ADAM19: variants seen among roughly 807,000 people sequenced by gnomAD.
The protein encoded by ADAM19 is disintegrin and metalloproteinase domain-containing protein 19.
A neutral mutation model predicts 114.7 loss-of-function variants in ADAM19; 65 were observed. The ratio of observed to expected loss-of-function variants is 0.57; its 90% CI spans 0.46 to 0.70. The LOEUF is 0.70. Among genes scored for constraint, ADAM19 ranks in the 30% least tolerant of loss-of-function variants. The pLI, the probability that ADAM19 is intolerant of heterozygous loss-of-function variation, is 0.00. For missense variants in ADAM19, 1,063 were observed against 1,204.7 expected, an observed-to-expected ratio of 0.88 and a Z score of 1.74; for synonymous variants, 466 against 460.5, an observed-to-expected ratio of 1.01 and a Z score of -0.15.
At chr5:157,483,048 T>C (rs1754807700) in intron 21 of ADAM19, among the ~76,000 whole-genome samples, 1 of 150,642 alleles carries the variant, frequency 6.6e-6, no homozygotes, top group Admixed American at 6.6e-5. Flanking sequence ...CATTACATAC[T>C]GGGGCCTGTT....
chr5:157,548,006 C>G (rs946575266), intron 3 of ADAM19, among the ~76,000 whole-genome samples: 88 of 152,314 alleles, frequency 5.8e-4, no homozygotes, highest in African/African-American at 2.1e-3. Flanking sequence ...TTTCCTTCCT[C>G]CTGCTCTCTG....
intron 12 of ADAM19, among the ~76,000 whole-genome samples, chr5:157,499,951 G>A (rs1202256414): frequency 6.7e-6 from 1 of 149,604 alleles, no homozygotes; most frequent in Non-Finnish European, 1.5e-5. Flanking sequence ...GCTAATTTTT[G>A]TATTTTTAAT....
At chr5:157,534,468 AAAAC>A (rs937051074) in intron 4 of ADAM19, among the ~76,000 whole-genome samples, 14 of 152,268 alleles carry the variant, frequency 9.2e-5, no homozygotes, top group South Asian at 2.1e-4. Flanking sequence ...ACTGTGTCTC[AAAAC>A]AAACAAACAA....
intron 2 of ADAM19, among the ~76,000 whole-genome samples, chr5:157,569,745 T>C (rs1486907932): frequency 6.6e-6 from 1 of 152,202 alleles, no homozygotes; most frequent in East Asian, 1.9e-4. Context: ...GCTATAATCT[T>C]GCTCCTATAT....
At chr5:157,541,792 C>T (rs2113768021) in intron 3 of ADAM19, among the ~76,000 whole-genome samples, 1 of 152,314 alleles carries the variant, frequency 6.6e-6, no homozygotes, top group South Asian at 2.1e-4. Flanking sequence ...TAGGCTAAAC[C>T]ACCCTCTAGA....
At chr5:157,549,721 A>G (rs1013788712) in intron 3 of ADAM19, among the ~76,000 whole-genome samples, 1 of 152,232 alleles carries the variant, frequency 6.6e-6, no homozygotes, top group Admixed American at 6.5e-5. Context: ...AAACTGCCAG[A>G]AGGTAAGAAT....
Position 157,494,687 on chromosome 5 carries a change from C to T in ADAM19, c.1703G>A (p.Arg568Lys). The T allele has an allele frequency of 6.2e-7, 1 of 1,612,734 alleles. No individual in the cohort carries two copies. The highest frequency in any genetic ancestry group is 8.5e-7 in the Non-Finnish European group (1 of 1,178,978). Residue 568 changes from arginine to lysine, a missense_variant and splice_region_variant, in exon 15 of 23, where the codon AGA becomes AAA. Arg to Lys is a conservative substitution (Grantham distance 26). Coordinates refer to ENST00000257527, the MANE Select transcript of ADAM19 (RefSeq NM_033274.5). ...ATGAGGCCTGCCCTTTGGTCATCAC[C>T]TCATGTTGCACTTCCTGTGTTCACC... ...MNGEHRKCNM[R>K]DAKCGKIQCQ...
rs1581279808 is a variant in ADAM19, at chr5:157,480,860, G to A, written c.*89C>T. ...GGAGGGTGGGAGGAGCTCAGAGGCG[G>A]CCAGACATGCTTCTTCAGGGTTCCA... On this transcript the variant is annotated 3_prime_UTR_variant, in exon 23 of 23. Coordinates refer to ENST00000257527, the MANE Select transcript of ADAM19 (RefSeq NM_033274.5). The A allele has an allele frequency of 1.3e-6, 2 of 1,596,882 alleles. No individual in the cohort carries two copies. The highest frequency in any genetic ancestry group is 2.2e-5 in the East Asian group (1 of 44,704).
intron 3 of ADAM19, 61 bp from the exon 4 acceptor site, chr5:157,538,052 C>T: frequency 1.4e-6 from 2 of 1,386,396 alleles, no homozygotes; most frequent in Middle Eastern, 1.8e-4. Flanking sequence ...CTCCTAGCAA[C>T]AACGAGTGAT....
intron 12 of ADAM19, among the ~76,000 whole-genome samples, chr5:157,500,450 T>A (rs1215084342): frequency 6.6e-6 from 1 of 152,226 alleles, no homozygotes; most frequent in Non-Finnish European, 1.5e-5. Context: ...AACCATGTAG[T>A]CTTCTAAAAT....
intron 19 of ADAM19, among the ~76,000 whole-genome samples, chr5:157,489,487 A>G (rs1755075058): frequency 2.0e-5 from 3 of 152,174 alleles, no homozygotes; most frequent in East Asian, 3.8e-4. Flanking sequence ...ACGAGCCATC[A>G]ACCAATCCCC....
At position 157,513,440 on chromosome 5, in the gene ADAM19, A is replaced by G; in HGVS notation, c.732T>C (p.Val244=). ...AGTACACACCTGGTCTCACCTTATC[A>G]ACATAGTTGGCGATCTCTATGAGCT... The part of the protein sequence containing the change: ...KHKLIEIANY[V]DKFYRSLNIR... The change falls in exon 8 of 23, where the codon GTT becomes GTC. Residue 244 remains valine (V), a synonymous_variant. Coordinates refer to ENST00000257527, the MANE Select transcript of ADAM19 (RefSeq NM_033274.5). 1 of 1,613,918 alleles carries G rather than the reference A, an allele frequency of 6.2e-7. No homozygotes were observed. The highest frequency in any genetic ancestry group is 8.5e-7 in the Non-Finnish European group (1 of 1,179,872).
chr5:157,569,416 C>CTTTTTTTTTTTTTTT (rs1196722802), intron 2 of ADAM19, among the ~76,000 whole-genome samples: 1 of 97,872 alleles, frequency 1.0e-5, no homozygotes. Flanking sequence ...AGCTAATTTT[C>CTTTTTTTTTTTTTTT]TTTTTTTTTT....
Position 157,490,391 on chromosome 5 carries a change from A to T in ADAM19, c.2159T>A (p.Met720Lys). The T allele has an allele frequency of 6.2e-7, 1 of 1,614,140 alleles. No individual in the cohort carries two copies. Among genetic ancestry groups the T allele is most frequent in the East Asian group, 2.2e-5 (1 of 44,864 alleles). Residue 720 changes from methionine to lysine, a missense_variant, in exon 19 of 23, where the codon ATG becomes AAG. Physicochemically the swap from Met to Lys is moderately conservative, Grantham distance 95 (BLOSUM62 -1). This residue lies in a region of ADAM19 where 424 missense variants were observed against 445.5 expected (regional missense o/e 0.95). Transcript: ENST00000257527. ...AILVLAVLML[M>K]YYCCRQNNKL... ...GTTGTTCTGTCTGCAGCAGTAGTAC[A>T]TCAGCATGAGGACCGCCAGCACCAA...
chr5:157,505,946 G>A (rs11134775), intron 10 of ADAM19, 138 bp from the exon 11 acceptor site: 3 of 892,456 alleles, frequency 3.4e-6, no homozygotes, highest in Non-Finnish European at 4.9e-6. Flanking sequence ...CTCCATATGT[G>A]CCTCTGACAG....
chr5:157,504,427 T>G (rs1439596396), intron 11 of ADAM19, among the ~76,000 whole-genome samples: 1 of 152,128 alleles, frequency 6.6e-6, no homozygotes, highest in African/African-American at 2.4e-5. Context: ...ATTTTTGTAT[T>G]TTTAGCAGAG....
chr5:157,540,789 A>C (rs1756896106), intron 3 of ADAM19, among the ~76,000 whole-genome samples: 1 of 152,160 alleles, frequency 6.6e-6, no homozygotes, highest in Non-Finnish European at 1.5e-5. Context: ...TCCATTTCTG[A>C]CCACATACAG....
At chr5:157,559,470 C>T (rs1039796223) in intron 3 of ADAM19, among the ~76,000 whole-genome samples, 5 of 152,190 alleles carry the variant, frequency 3.3e-5, no homozygotes, top group South Asian at 2.1e-4. Context: ...ACTAGTAATG[C>T]GGCCCAGTGA....
chr5:157,515,122 C>A (rs942392448), intron 7 of ADAM19, among the ~76,000 whole-genome samples: 1 of 152,160 alleles, frequency 6.6e-6, no homozygotes, highest in African/African-American at 2.4e-5. Context: ...TTAAAACTGC[C>A]ACTCACCAGA....
Sources: allele counts gnomAD v4.1 joint callset (sites outside exome capture counted in the v4.1 genomes callset), GRCh38; gene constraint gnomAD v4.1.1; regional missense constraint gnomAD v4.1.1; transcripts MANE v1.5; gene names NCBI Gene and HGNC (gene_info 2026-07-23, HGNC 2026-07-21).